GOT1: variants seen among roughly 807,000 people sequenced by gnomAD.
GOT1 encodes glutamic-oxaloacetic transaminase 1.
Under a neutral mutation model 48.2 loss-of-function variants are expected in GOT1, and 25 were observed. The ratio of observed to expected loss-of-function variants is 0.52; its 90% CI spans 0.38 to 0.72. The LOEUF is 0.72. Ranked by LOEUF, GOT1 falls within the 30% of genes least tolerant of loss-of-function variation. The pLI is 0.00. For missense variants in GOT1, 380 were observed against 520.1 expected, an observed-to-expected ratio of 0.73 and a Z score of 2.62; for synonymous variants, 188 against 193.8, an observed-to-expected ratio of 0.97 and a Z score of 0.25.
intron 1 of GOT1, among the ~76,000 whole-genome samples, chr10:99,422,785 G>A (rs2032987705): frequency 6.6e-6 from 1 of 152,082 alleles, no homozygotes; most frequent in African/African-American, 2.4e-5. Flanking sequence ...TGTGTTCCTT[G>A]CTTTTTCCAC....
In GOT1 at chr10:99,397,683, T is replaced by C; in HGVS notation, c.1106A>G (p.Lys369Arg). 6.2e-7 allele frequency: 1 copy of C among 1,614,076 alleles called. No individual in the cohort carries two copies. The highest frequency in any genetic ancestry group is 8.5e-7 in the Non-Finnish European group (1 of 1,179,950). The change falls in exon 9 of 9, where the codon AAG (lysine) becomes AGG (arginine). Residue 369 changes from lysine to arginine, a missense_variant. Lys to Arg is a conservative substitution (Grantham distance 26). Transcript: ENST00000370508. This position sits in a 1 kb window ranked among gnomAD's most constrained non-coding sequence, Gnocchi z 5.4. ...GMFSFTGLNP[K>R]QVEYLVNEKH... ...TTCATTGACCAGATACTCAACCTGC[T>C]TGGCTGTTGAAAACCAAAAGAAGAC...
rs1477588464 is a variant in GOT1 at position 99,418,058 on chromosome 10, A to AT, written c.300+2565_300+2566insA. Among the ~76,000 whole-genome samples the AT allele has an allele frequency of 1.2e-3, 185 of 149,550 alleles. 1 individual carries two copies. Among genetic ancestry groups the AT allele is most frequent in the African/African-American group, 4.0e-3 (164 of 40,722 alleles). On this transcript the variant is annotated intron_variant, in intron 2 of 8. Coordinates refer to ENST00000370508, the MANE Select transcript of GOT1 (RefSeq NM_002079.3). The stretch of plus-strand genomic sequence containing the variant: ...TAGAACTTAAAGTATAATTAAAAAA[A>AT]AAAATATATATATATATAAAAAGAA...
rs879935363 is a variant in GOT1, at chr10:99,421,870, TA to T, written c.119-1066del. On this transcript the variant is annotated intron_variant, in intron 1 of 8. Transcript: ENST00000370508. ...TTCTGCCCAAAATTAATCCCTGACT[TA>T]AAAAAAAAATTACATTTTAGGGTTG... Among the ~76,000 whole-genome samples, 609 of 150,376 alleles carry T rather than the reference TA, an allele frequency of 4.0e-3. 5 individuals are homozygous for T. The highest frequency in any genetic ancestry group is 0.013 in the African/African-American group (543 of 41,122).
intron 5 of GOT1, among the ~76,000 whole-genome samples, chr10:99,405,270 A>C (rs1267619959): frequency 1.3e-5 from 2 of 152,174 alleles, no homozygotes; most frequent in African/African-American, 4.8e-5. Context: ...AGAAATAATA[A>C]AAGGAAATTT....
intron 5 of GOT1, among the ~76,000 whole-genome samples, chr10:99,404,604 T>C (rs956214394): frequency 1.7e-4 from 26 of 152,166 alleles, no homozygotes; most frequent in South Asian, 6.2e-4. Flanking sequence ...ACCTGGGCTA[T>C]GGCAATGGTC....
intron 2 of GOT1, among the ~76,000 whole-genome samples, chr10:99,416,231 C>T (rs1318096523): frequency 1.3e-5 from 2 of 152,062 alleles, no homozygotes; most frequent in South Asian, 2.1e-4. Context: ...GCTGATGAGC[C>T]ACTTCAGCAA....
intron 8 of GOT1, among the ~76,000 whole-genome samples, chr10:99,399,997 A>T (rs2032649918): frequency 6.6e-6 from 1 of 152,186 alleles, no homozygotes; most frequent in Admixed American, 6.5e-5. Context: ...TCTTTCTAAA[A>T]GCCTGTGCCC....
At position 99,418,117 on chromosome 10, in the gene GOT1, G is replaced by A. The variant is rs999580622; in HGVS notation, c.300+2507C>T. 2.0e-5 allele frequency among the ~76,000 whole-genome samples: 3 copies of A among 151,614 alleles called. No individual in the cohort carries two copies. In the East Asian group the frequency reaches 5.8e-4, roughly 29 times the overall value. On this transcript the variant is annotated intron_variant, in intron 2 of 8. Coordinates refer to ENST00000370508, the MANE Select transcript of GOT1 (RefSeq NM_002079.3). ...AGCTCAATAACCACTGGTACCCACA[G>A]TGATGTATTAATAGATGCCAAGAGA...
At chr10:99,422,944 G>A (rs564979434) in intron 1 of GOT1, among the ~76,000 whole-genome samples, 4 of 152,226 alleles carry the variant, frequency 2.6e-5, no homozygotes, top group African/African-American at 4.8e-5. Context: ...CAATACTTCA[G>A]TGAACGACCC....
At chr10:99,421,938 T>C (rs1049084856) in intron 1 of GOT1, among the ~76,000 whole-genome samples, 14 of 152,144 alleles carry the variant, frequency 9.2e-5, no homozygotes, top group African/African-American at 3.1e-4. Flanking sequence ...TTGTAGAAAA[T>C]TGGGAAAAGC....
chr10:99,404,124 C>T (rs2032722789), intron 5 of GOT1, among the ~76,000 whole-genome samples: 1 of 152,130 alleles, frequency 6.6e-6, no homozygotes, highest in South Asian at 2.1e-4. Flanking sequence ...CTTAGAGAAA[C>T]AGGGCTTACT....
rs1355696250 is a variant in GOT1 at position 99,397,175 on chromosome 10, A to T, written c.*372T>A. 5.4e-6 allele frequency: 1 copy of T among 184,184 alleles called. No homozygotes were observed. The highest frequency in any genetic ancestry group is 5.4e-5 in the Admixed American group (1 of 18,498). The allele number at this position is 184,184 out of a possible 1,614,324, so 11.4% of individuals were successfully genotyped here. A position where few individuals can be genotyped will look rare whatever the true frequency, so the allele number is the denominator to read the frequency against. On this transcript the variant is annotated 3_prime_UTR_variant, in exon 9 of 9. Coordinates refer to ENST00000370508, the MANE Select transcript of GOT1 (RefSeq NM_002079.3). The surrounding 1 kb of genome is among the most constrained non-coding windows in gnomAD (Gnocchi z 5.4). ...CCCACATTCACACTTTGGCTCCTTC[A>T]GACAACTTGATCTTTGGGACTAGAA...
chr10:99,424,460 A>G (rs1045707944), intron 1 of GOT1, among the ~76,000 whole-genome samples: 1 of 152,226 alleles, frequency 6.6e-6, no homozygotes, highest in African/African-American at 2.4e-5. Context: ...TAGATGCAAA[A>G]AAATTTGGGA....
Position 99,397,387 on chromosome 10 carries a change from C to G in GOT1, c.*160G>C. On this transcript the variant is annotated 3_prime_UTR_variant, in exon 9 of 9. Coordinates refer to ENST00000370508, the MANE Select transcript of GOT1 (RefSeq NM_002079.3). This position sits in a 1 kb window ranked among gnomAD's most constrained non-coding sequence, Gnocchi z 5.4. The stretch of plus-strand genomic sequence containing the variant: ...CTCCAAATTCGTCTCAAGGGATGTT[C>G]TCTTCATGTGGGGCCGGTTTAAACA... 1.4e-6 allele frequency: 1 copy of G among 713,258 alleles called. No homozygotes were observed. The highest frequency in any genetic ancestry group is 2.4e-6 in the Non-Finnish European group (1 of 409,150). 44.2% of individuals were successfully genotyped at this position (713,258 alleles called of 1,614,324 possible).
intron 1 of GOT1, among the ~76,000 whole-genome samples, chr10:99,426,284 G>A (rs2033036930): frequency 6.6e-6 from 1 of 152,116 alleles, no homozygotes; most frequent in Admixed American, 6.5e-5. Flanking sequence ...ACAGTCTACA[G>A]GTGGGCCCAG....
At chr10:99,417,696 T>G (rs1434240068) in intron 2 of GOT1, among the ~76,000 whole-genome samples, 1 of 152,210 alleles carries the variant, frequency 6.6e-6, no homozygotes, top group East Asian at 1.9e-4. Context: ...CCATCAATGA[T>G]AGACTGGATT....
chr10:99,419,982 C>G (rs996388210), intron 2 of GOT1, among the ~76,000 whole-genome samples: 1 of 152,142 alleles, frequency 6.6e-6, no homozygotes, highest in Non-Finnish European at 1.5e-5. Flanking sequence ...TACCAGGAAG[C>G]ACTTAAATGA....
intron 1 of GOT1, among the ~76,000 whole-genome samples, chr10:99,428,961 C>G (rs1407591773): frequency 6.6e-6 from 1 of 152,118 alleles, no homozygotes; most frequent in Non-Finnish European, 1.5e-5. Flanking sequence ...GCCCATGTAC[C>G]CATCATCCAG....
chr10:99,407,917 G>T (rs1683722965), intron 2 of GOT1, among the ~76,000 whole-genome samples: 1 of 151,840 alleles, frequency 6.6e-6, no homozygotes, highest in Non-Finnish European at 1.5e-5. Context: ...TAGGTTTTAA[G>T]CCCCGCATGC....
Sources: gnomAD v4.1 joint callset for allele counts (sites outside exome capture counted in the v4.1 genomes callset) on GRCh38, gnomAD v4.1.1 for gene constraint, Gnocchi (gnomAD v3.1) non-coding constraint, MANE v1.5 for transcripts, NCBI Gene and HGNC (gene_info 2026-07-23, HGNC 2026-07-21) for gene names.